TTC27: variants seen among roughly 807,000 people sequenced by gnomAD.
The protein encoded by TTC27 is tetratricopeptide repeat domain 27.
Under a neutral mutation model 115.9 loss-of-function variants are expected in TTC27, and 79 were observed. That is an observed-to-expected ratio of 0.68 (90% confidence interval 0.57 to 0.82). TTC27 has a LOEUF of 0.82. Ranked by LOEUF, TTC27 falls within the 40% of genes least tolerant of loss-of-function variation. The pLI, the probability that TTC27 is intolerant of heterozygous loss-of-function variation, is 0.00. For missense variants in TTC27, 1,054 were observed against 993.1 expected (o/e 1.06, Z -0.82); for synonymous variants, 401 against 356.0 (o/e 1.13, Z -1.42).
intron 18 of TTC27, 139 bp downstream of exon 18, chr2:32,812,754 C>T (rs1671360049): frequency 3.1e-6 from 2 of 641,930 alleles, no homozygotes; most frequent in Non-Finnish European, 2.7e-6. Flanking sequence ...GTATTTAATT[C>T]AGCAAACATT....
At chr2:32,790,480 G>T (rs1226492119) in intron 16 of TTC27, among the ~76,000 whole-genome samples, 1 of 151,898 alleles carries the variant, frequency 6.6e-6, no homozygotes, top group Non-Finnish European at 1.5e-5. Flanking sequence ...CATCTATGGA[G>T]TACCATGTGA....
rs762695520 is a variant in TTC27 at position 32,630,603 on chromosome 2, A to C, written c.169A>C (p.Asn57His). ...FLNSMTQNIFNSTTTAEEKID... is the reference protein window; with the variant it reads ...FLNSMTQNIFHSTTTAEEKID... ...AAATTCAATGACTCAAAATATTTTT[A>C]ATTCAACAACAACCGCTGAAGAAAA... is the stretch of plus-strand genomic sequence containing the variant. Residue 57 changes from asparagine (N) to histidine (H), a missense_variant, in exon 2 of 20, where the codon AAT (asparagine) becomes CAT (histidine). Coordinates refer to ENST00000317907, the MANE Select transcript of TTC27 (RefSeq NM_017735.5). 6.2e-7 allele frequency: 1 copy of C among 1,613,758 alleles called. No homozygotes were observed. Among genetic ancestry groups the C allele is most frequent in the East Asian group, 2.2e-5 (1 of 44,862 alleles).
intron 12 of TTC27, among the ~76,000 whole-genome samples, chr2:32,741,827 T>G (rs565106332): frequency 4.6e-5 from 7 of 152,302 alleles, no homozygotes; most frequent in African/African-American, 1.7e-4. Flanking sequence ...TCCTTATGGA[T>G]GACTGCATGT....
intron 9 of TTC27, among the ~76,000 whole-genome samples, chr2:32,686,537 T>C (rs1209749395): frequency 6.6e-6 from 1 of 151,968 alleles, no homozygotes; most frequent in African/African-American, 2.4e-5. Context: ...TTTTTTTGTG[T>C]TTGGGTAGAG....
At chr2:32,696,597 A>G (rs1200864730) in intron 9 of TTC27, among the ~76,000 whole-genome samples, 1 of 152,056 alleles carries the variant, frequency 6.6e-6, no homozygotes, top group Non-Finnish European at 1.5e-5. Context: ...CCCAGCCTAT[A>G]CCACATTTTA....
chr2:32,742,160 T>C (rs1296637996), intron 12 of TTC27, among the ~76,000 whole-genome samples: 1 of 152,228 alleles, frequency 6.6e-6, no homozygotes, highest in African/African-American at 2.4e-5. Context: ...TTTTGGAATA[T>C]GAGCTCAGAC....
At chr2:32,639,031 A>T (rs1440278626) in intron 3 of TTC27, among the ~76,000 whole-genome samples, 1 of 151,816 alleles carries the variant, frequency 6.6e-6, no homozygotes, top group East Asian at 2.0e-4. Flanking sequence ...ACAGGGTTTC[A>T]CCGTGTTAGC....
chr2:32,802,805 A>G (rs1480997030), intron 16 of TTC27, among the ~76,000 whole-genome samples: 1 of 152,150 alleles, frequency 6.6e-6, no homozygotes, highest in Non-Finnish European at 1.5e-5. Flanking sequence ...ATTGCTACCC[A>G]AGGGGGCTCA....
At chr2:32,637,249 A>G (rs1219136116) in intron 3 of TTC27, among the ~76,000 whole-genome samples, 2 of 152,152 alleles carry the variant, frequency 1.3e-5, no homozygotes, top group Non-Finnish European at 2.9e-5. Context: ...ATTCATGTAG[A>G]AGATAATGAC....
intron 5 of TTC27, among the ~76,000 whole-genome samples, chr2:32,660,448 G>C (rs1665501125): frequency 6.6e-6 from 1 of 152,076 alleles, no homozygotes; most frequent in Admixed American, 6.6e-5. Flanking sequence ...TCCTTTGCAG[G>C]GACATGGATG....
intron 16 of TTC27, among the ~76,000 whole-genome samples, chr2:32,803,205 T>C (rs1041602611): frequency 2.0e-5 from 3 of 152,192 alleles, no homozygotes; most frequent in African/African-American, 7.2e-5. Flanking sequence ...CCAATGCCCA[T>C]CTTCCTGAGT....
At position 32,735,424 on chromosome 2, in the gene TTC27, A is replaced by G. The variant is rs189861493; in HGVS notation, c.1330-1270A>G. 4.5e-3 allele frequency among the ~76,000 whole-genome samples: 691 copies of G among 152,278 alleles called. 5 individuals carry two copies. Among genetic ancestry groups the G allele is most frequent in the African/African-American group, 0.016 (661 of 41,574 alleles). ...GTGTCTATTGAGGGTGTTGCTTTTT[A>G]TCTTTTTCTGAACAGAAACATTAGG... On this transcript the variant is annotated intron_variant, in intron 11 of 19. Transcript: ENST00000317907.
intron 10 of TTC27, among the ~76,000 whole-genome samples, chr2:32,723,132 C>T (rs1055922952): frequency 1.3e-5 from 2 of 152,124 alleles, no homozygotes; most frequent in Non-Finnish European, 2.9e-5. Flanking sequence ...AAAATATATT[C>T]GCTTAAAGCA....
chr2:32,657,698 C>A (rs935184861), intron 5 of TTC27, among the ~76,000 whole-genome samples: 1 of 152,088 alleles, frequency 6.6e-6, no homozygotes, highest in East Asian at 1.9e-4. Flanking sequence ...CACCTTTATC[C>A]TTCCCCTAAA....
chr2:32,676,264 G>C (rs930676409), intron 8 of TTC27, among the ~76,000 whole-genome samples: 2 of 151,836 alleles, frequency 1.3e-5, no homozygotes, highest in African/African-American at 4.8e-5. Flanking sequence ...CCTGAGGTAT[G>C]AATGCTTGTA....
At chr2:32,741,414 C>T (rs188616504) in intron 12 of TTC27, among the ~76,000 whole-genome samples, 49 of 151,272 alleles carry the variant, frequency 3.2e-4, no homozygotes, top group Admixed American at 3.0e-3. Flanking sequence ...TAGGCTGAGG[C>T]GGGCAGATCA....
Position 32,640,341 on chromosome 2 carries a change from G to C in TTC27, c.468G>C (p.Ser156=). The change falls in exon 4 of 20, where the codon TCG becomes TCC. Residue 156 remains serine, a synonymous_variant. Coordinates refer to ENST00000317907, the MANE Select transcript of TTC27 (RefSeq NM_017735.5). ...GTGAATCAATCTACAGCCTGACCTCGAAGCCTATACTACTGTTATTAGCAC... is the reference window on the plus strand; with the variant it reads ...GTGAATCAATCTACAGCCTGACCTCCAAGCCTATACTACTGTTATTAGCAC... The part of the protein sequence containing the change: ...LDGESIYSLT[S]KPILLLLARI... 6.2e-7 allele frequency: 1 copy of C among 1,613,940 alleles called. No individual in the cohort carries two copies. Among genetic ancestry groups the C allele is most frequent in the Non-Finnish European group, 8.5e-7 (1 of 1,179,944 alleles).
At chr2:32,750,090 A>T (rs1668957893) in intron 12 of TTC27, among the ~76,000 whole-genome samples, 1 of 152,240 alleles carries the variant, frequency 6.6e-6, no homozygotes, top group Non-Finnish European at 1.5e-5. Flanking sequence ...TGACTAGTCC[A>T]CTTGAAACAT....
intron 16 of TTC27, 97 bp from the exon 17 acceptor site, chr2:32,810,927 T>C: frequency 7.3e-7 from 1 of 1,368,130 alleles, no homozygotes; most frequent in Non-Finnish European, 1.0e-6. Context: ...CATAAGGTTT[T>C]TCATTGTCAT....
Sources: gnomAD v4.1 joint callset for allele counts (sites outside exome capture counted in the v4.1 genomes callset) on GRCh38, gnomAD v4.1.1 for gene constraint, MANE v1.5 for transcripts, NCBI Gene and HGNC (gene_info 2026-07-23, HGNC 2026-07-21) for gene names.